UAP1: variants seen among roughly 807,000 people sequenced by gnomAD.
UAP1 encodes the protein UDP-N-acetylhexosamine pyrophosphorylase.
UAP1 carries 25 observed loss-of-function variants against 58.5 expected under a neutral mutation model. The observed-to-expected ratio is 0.43, with a 90% CI of 0.31 to 0.60. The LOEUF is 0.60. Among genes scored for constraint, UAP1 ranks in the 20% least tolerant of loss-of-function variants. The pLI, the probability that UAP1 is intolerant of heterozygous loss-of-function variation, is 0.11. For missense variants in UAP1, 575 were observed against 630.0 expected, an observed-to-expected ratio of 0.91 and a Z score of 0.93; for synonymous variants, 208 against 213.0, an observed-to-expected ratio of 0.98 and a Z score of 0.21.
At position 162,566,186 on chromosome 1, in the gene UAP1, A is replaced by G. The variant is rs1438375647; in HGVS notation, c.118A>G (p.Met40Val). ...AGAACTTTATGCAGAGCTCCAGGCC[A>G]TGAACTTTGAGGAGCTGAACTTCTT... Residue 40 changes from methionine to valine, a missense_variant, in exon 2 of 11, where the codon ATG becomes GTG. Met to Val is a conservative substitution (Grantham distance 21). Transcript: ENST00000271469. 7 of 1,614,154 alleles carry G rather than the reference A, an allele frequency of 4.3e-6. No homozygotes were observed. In the East Asian group the frequency reaches 6.7e-5, roughly 15 times the overall value.
intron 5 of UAP1, among the ~76,000 whole-genome samples, chr1:162,582,066 G>A (rs1388385367): frequency 6.6e-6 from 1 of 152,000 alleles, no homozygotes; most frequent in Non-Finnish European, 1.5e-5. Context: ...TGTCTTTATG[G>A]TAGCAAAAAA....
At chr1:162,571,785 G>A (rs1237585716) in intron 2 of UAP1, among the ~76,000 whole-genome samples, 2 of 152,112 alleles carry the variant, frequency 1.3e-5, no homozygotes, top group Non-Finnish European at 2.9e-5. Context: ...TAATTTATGT[G>A]TTACATACTT....
intron 9 of UAP1, among the ~76,000 whole-genome samples, chr1:162,594,522 A>G (rs574994802): frequency 2.6e-5 from 4 of 152,350 alleles, no homozygotes; most frequent in Middle Eastern, 3.4e-3. Context: ...GACCGCTGCC[A>G]TAGATGACTG....
chr1:162,581,492 G>A, intron 5 of UAP1, 33 bp downstream of exon 5: 2 of 1,599,334 alleles, frequency 1.3e-6, no homozygotes, highest in Non-Finnish European at 8.5e-7. Context: ...TGAGGCTTTT[G>A]ATGGTCTTGC....
intron 5 of UAP1, among the ~76,000 whole-genome samples, chr1:162,584,035 T>C (rs1654765316): frequency 6.6e-6 from 1 of 152,374 alleles, no homozygotes; most frequent in Non-Finnish European, 1.5e-5. Context: ...CCTAGTCTTA[T>C]ATTATATTAC....
chr1:162,577,435 C>CTTTTTTTTTT lies in UAP1; in HGVS notation c.485+476_485+485dup, dbSNP rs67627704. Among the ~76,000 whole-genome samples the CTTTTTTTTTT allele has an allele frequency of 2.4e-4, 23 of 95,240 alleles. 2 individuals are homozygous for CTTTTTTTTTT. The highest frequency in any genetic ancestry group is 7.1e-4 in the African/African-American group (15 of 21,010). The allele number at this position is 95,240 out of a possible 152,430, so 62.5% of individuals were successfully genotyped here. ...ACCTTGGTCAGTGTTAGTTCCTTCC[C>CTTTTTTTTTT]TTTTTTTTTTTTTTTTTTTTTTTTT... On this transcript the variant is annotated intron_variant, in intron 3 of 10. Coordinates refer to ENST00000271469, the Ensembl canonical transcript of UAP1.
At chr1:162,563,818 T>A (rs889858221) in intron 1 of UAP1, among the ~76,000 whole-genome samples, 1 of 152,232 alleles carries the variant, frequency 6.6e-6, no homozygotes, top group East Asian at 1.9e-4. Context: ...TCTTTACTCT[T>A]GACTATCTTG....
intron 1 of UAP1, among the ~76,000 whole-genome samples, 183 bp downstream of exon 1, chr1:162,561,960 A>G (rs1653165777): frequency 6.6e-6 from 1 of 152,100 alleles, no homozygotes; most frequent in South Asian, 2.1e-4. Context: ...CACACACCCC[A>G]GCCCGTGCGC....
At chr1:162,595,973 T>C (rs1490308000) in intron 9 of UAP1, among the ~76,000 whole-genome samples, 2 of 152,030 alleles carry the variant, frequency 1.3e-5, no homozygotes, top group Admixed American at 1.3e-4. Flanking sequence ...TGCCTCAGCC[T>C]CCTGAGTAGC....
intron 5 of UAP1, among the ~76,000 whole-genome samples, chr1:162,585,464 G>T (rs1654851010): frequency 6.6e-6 from 1 of 151,652 alleles, no homozygotes; most frequent in African/African-American, 2.4e-5. Flanking sequence ...GTTTCACCAT[G>T]TTGGCCAGGC....
exon 2 of UAP1, chr1:162,566,257 G>A (rs1299712622): frequency 1.2e-6 from 2 of 1,614,062 alleles, no homozygotes; most frequent in African/African-American, 2.7e-5. Context: ...CTCACCAAAA[G>A]AATGTGGATG....
intron 3 of UAP1, among the ~76,000 whole-genome samples, chr1:162,579,146 TTTAC>T (rs1654390581): frequency 6.6e-6 from 1 of 152,340 alleles, no homozygotes. Flanking sequence ...TTCTAAAATG[TTTAC>T]TTAAGCCATT....
chr1:162,600,213 G>C (rs1655850543), downstream of UAP1, among the ~76,000 whole-genome samples: 1 of 152,184 alleles, frequency 6.6e-6, no homozygotes, highest in African/African-American at 2.4e-5. Context: ...ATGGTGTCAA[G>C]GTCGAGAAGC....
intron 3 of UAP1, among the ~76,000 whole-genome samples, chr1:162,577,436 T>A (rs972803388): frequency 1.4e-5 from 1 of 69,170 alleles, no homozygotes. Flanking sequence ...GTTCCTTCCC[T>A]TTTTTTTTTT....
At chr1:162,588,598 A>T (rs953867916) in intron 6 of UAP1, 95 bp from the exon 7 acceptor site, 66 of 1,320,292 alleles carry the variant, frequency 5.0e-5, no homozygotes, top group Admixed American at 1.4e-4. Context: ...AAATCTTAGT[A>T]TTGGTTGTTG....
Position 162,588,563 on chromosome 1 carries a change from G to A in UAP1, c.1029-130G>A, listed in dbSNP as rs569214520. The A allele has an allele frequency of 1.0e-5, 9 of 903,196 alleles. No homozygotes were observed. In the South Asian group the frequency reaches 1.6e-4, roughly 16 times the overall value. The allele number at this position is 903,196 out of a possible 1,614,324, so 55.9% of individuals were successfully genotyped here. A position where few individuals can be genotyped will look rare whatever the true frequency, so the allele number is the denominator to read the frequency against. ...TTCATTTACTATTTAAATATGAACT[G>A]AAACTTAAATGCTCTTCACTTTGAA... On this transcript the variant is annotated intron_variant, in intron 6 of 10. Coordinates refer to ENST00000271469, the Ensembl canonical transcript of UAP1.
chr1:162,588,743 A>T, exon 7 of UAP1: 1 of 1,612,552 alleles, frequency 6.2e-7, no homozygotes, highest in Non-Finnish European at 8.5e-7. Context: ...AAGATTCCTT[A>T]TGTGGATACC....
intron 5 of UAP1, among the ~76,000 whole-genome samples, chr1:162,584,021 A>G (rs1171366178): frequency 1.3e-5 from 2 of 152,118 alleles, no homozygotes; most frequent in African/African-American, 4.8e-5. Context: ...ATGTTTCCCA[A>G]CTTCCTAGTC....
intron 5 of UAP1, among the ~76,000 whole-genome samples, chr1:162,586,354 C>T (rs544946535): frequency 6.2e-4 from 94 of 152,274 alleles, no homozygotes; most frequent in South Asian, 1.7e-3. Context: ...CAGGGTCTTA[C>T]TCTGTTGCCC....
Sources: gnomAD v4.1 joint callset for allele counts (sites outside exome capture counted in the v4.1 genomes callset) on GRCh38, gnomAD v4.1.1 for gene constraint, MANE v1.5 for transcripts, NCBI Gene and HGNC (gene_info 2026-07-23, HGNC 2026-07-21) for gene names.